The following DPP10 variants were observed in gnomAD, a reference collection of about 807,000 sequenced individuals.
The protein encoded by DPP10 is dipeptidyl peptidase like 10.
In DPP10, 33 loss-of-function variants were observed where a neutral mutation model predicts 120.9. The ratio of observed to expected loss-of-function variants is 0.27; its 90% CI spans 0.21 to 0.37. DPP10 has a LOEUF of 0.37. Among genes scored for constraint, DPP10 ranks in the 10% least tolerant of loss-of-function variants. The pLI, the probability that DPP10 is intolerant of heterozygous loss-of-function variation, is 1.00. For synonymous variants in DPP10, 337 were observed against 326.1 expected (o/e 1.03, Z -0.36); for missense variants, 816 against 942.8 (o/e 0.87, Z 1.76).
intron 1 of DPP10, among the ~76,000 whole-genome samples, chr2:114,834,892 A>C (rs530329180): frequency 6.8e-6 from 1 of 147,700 alleles, no homozygotes; most frequent in South Asian, 2.1e-4. Flanking sequence ...AACTATGTAT[A>C]TATAAGCCAT....
intron 1 of DPP10, among the ~76,000 whole-genome samples, chr2:115,169,525 C>T (rs1235384074): frequency 6.6e-6 from 1 of 151,998 alleles, no homozygotes; most frequent in African/African-American, 2.4e-5. Flanking sequence ...AAAATGAATT[C>T]GTGACAACTT....
intron 21 of DPP10, among the ~76,000 whole-genome samples, chr2:115,828,270 G>A (rs1012589415): frequency 1.3e-5 from 2 of 151,428 alleles, no homozygotes; most frequent in East Asian, 1.9e-4. Flanking sequence ...TGTATACAAC[G>A]CATCTTTTCT....
intron 1 of DPP10, among the ~76,000 whole-genome samples, chr2:114,502,989 G>A (rs1296357498): frequency 6.6e-6 from 1 of 152,208 alleles, no homozygotes; most frequent in Non-Finnish European, 1.5e-5. Flanking sequence ...GTGTGTCTGT[G>A]CAAGTGTGCG....
At chr2:115,175,046 G>A (rs973356785) in intron 1 of DPP10, among the ~76,000 whole-genome samples, 1 of 152,178 alleles carries the variant, frequency 6.6e-6, no homozygotes, top group Admixed American at 6.5e-5. Context: ...AATGAGATTC[G>A]GATCAAGCTG....
intron 8 of DPP10, among the ~76,000 whole-genome samples, chr2:115,737,354 A>G (rs1395609636): frequency 6.6e-6 from 1 of 152,178 alleles, no homozygotes; most frequent in African/African-American, 2.4e-5. Context: ...CCATCAGTTC[A>G]TGATGGGCAG....
chr2:115,835,205 G>A (rs1689350990), intron 21 of DPP10, among the ~76,000 whole-genome samples: 1 of 151,712 alleles, frequency 6.6e-6, no homozygotes, highest in African/African-American at 2.4e-5. Flanking sequence ...ACATGGGATA[G>A]AAACAAGAAA....
intron 2 of DPP10, among the ~76,000 whole-genome samples, chr2:115,316,648 C>T (rs2061807821): frequency 6.6e-6 from 1 of 152,066 alleles, no homozygotes; most frequent in South Asian, 2.1e-4. Context: ...TCATATTTTC[C>T]ATCCTAAACC....
chr2:115,410,779 T>C (rs2068893388), intron 3 of DPP10, among the ~76,000 whole-genome samples: 1 of 152,196 alleles, frequency 6.6e-6, no homozygotes, highest in Non-Finnish European at 1.5e-5. Flanking sequence ...AACTTATCCA[T>C]GTAACCAAAA....
chr2:115,780,892 A>G lies in DPP10; in HGVS notation c.1380A>G (p.Leu460=), dbSNP rs1682678354. Residue 460 remains leucine, a synonymous_variant, in exon 16 of 26, where the codon TTA becomes TTG. Transcript: ENST00000410059. ...RQLYSASTEG[L]LNRQCISCNF... ...TCTCCAGTGCTTCTACTGAAGGATT[A>G]TTGAATCGCCAATGCATTTCATGTA... 2 of 1,603,628 alleles carry G rather than the reference A, an allele frequency of 1.2e-6. No homozygotes were observed. Among genetic ancestry groups the G allele is most frequent in the Non-Finnish European group, 1.7e-6 (2 of 1,173,418 alleles).
intron 3 of DPP10, among the ~76,000 whole-genome samples, chr2:115,402,015 A>G (rs965584963): frequency 1.3e-5 from 2 of 152,200 alleles, no homozygotes; most frequent in Non-Finnish European, 2.9e-5. Flanking sequence ...TCCAATAGCA[A>G]CACAGGAAGT....
At chr2:114,747,597 A>G (rs2106017303) in intron 1 of DPP10, among the ~76,000 whole-genome samples, 1 of 152,332 alleles carries the variant, frequency 6.6e-6, no homozygotes, top group Admixed American at 6.5e-5. Context: ...TAAGGGGAAA[A>G]CCTGAAACCA....
chr2:114,643,184 C>G (rs958263960), intron 1 of DPP10, among the ~76,000 whole-genome samples: 2 of 151,830 alleles, frequency 1.3e-5, no homozygotes, highest in Non-Finnish European at 2.9e-5. Context: ...CTGTAGTGTA[C>G]CAGTCATATG....
At chr2:115,628,998 A>G (rs996190013) in intron 5 of DPP10, among the ~76,000 whole-genome samples, 1 of 151,756 alleles carries the variant, frequency 6.6e-6, no homozygotes, top group Non-Finnish European at 1.5e-5. Context: ...CCAGTGTGTG[A>G]TGTTCCCCAC....
intron 1 of DPP10, among the ~76,000 whole-genome samples, chr2:114,832,597 G>T (rs1169268603): frequency 6.6e-6 from 1 of 152,168 alleles, no homozygotes; most frequent in Admixed American, 6.5e-5. Flanking sequence ...TGACCATTTT[G>T]GATTGCTGTA....
chr2:115,158,676 G>A (rs1321399102), intron 1 of DPP10, among the ~76,000 whole-genome samples: 1 of 152,094 alleles, frequency 6.6e-6, no homozygotes, highest in Non-Finnish European at 1.5e-5. Context: ...TTCTTCCCAT[G>A]AAAAGTGTAG....
intron 1 of DPP10, among the ~76,000 whole-genome samples, chr2:115,271,501 T>G (rs1303307551): frequency 6.6e-6 from 1 of 152,188 alleles, no homozygotes; most frequent in East Asian, 1.9e-4. Flanking sequence ...TGTTCATGCC[T>G]TTTTTCTTAT....
chr2:115,525,382 G>A lies in DPP10; in HGVS notation c.367-516G>A, dbSNP rs912299940. Among the ~76,000 whole-genome samples, 24 of 152,050 alleles carry A rather than the reference G, an allele frequency of 1.6e-4. 1 individual carries two copies. The highest frequency in any genetic ancestry group is 1.5e-5 in the Non-Finnish European group (1 of 67,990). On this transcript the variant is annotated intron_variant, in intron 4 of 25. Transcript: ENST00000410059. ...TAGTAGTTTTTGTTTGACATCAAAT[G>A]CAATGTTCTGTATTTGTGTTTTAAT...
At chr2:114,660,062 G>A (rs1206809712) in intron 1 of DPP10, among the ~76,000 whole-genome samples, 1 of 152,156 alleles carries the variant, frequency 6.6e-6, no homozygotes, top group Non-Finnish European at 1.5e-5. Flanking sequence ...CACCTTGTCT[G>A]TGCTACTTTG....
chr2:115,777,348 T>C, intron 14 of DPP10, 49 bp downstream of exon 14: 1 of 1,471,316 alleles, frequency 6.8e-7, no homozygotes, highest in South Asian at 1.2e-5. Flanking sequence ...CGTTGTCAAA[T>C]GCCATCTTTT....
Sources: gnomAD v4.1 joint callset for allele counts (sites outside exome capture counted in the v4.1 genomes callset) on GRCh38, gnomAD v4.1.1 for gene constraint, MANE v1.5 for transcripts, NCBI Gene and HGNC (gene_info 2026-07-23, HGNC 2026-07-21) for gene names.